SPATA6: variants seen among roughly 807,000 people sequenced by gnomAD.
SPATA6 encodes spermatogenesis-associated protein 6.
SPATA6 carries 56 observed loss-of-function variants against 65.3 expected under a neutral mutation model. The observed-to-expected ratio is 0.86, with a 90% confidence interval of 0.69 to 1.07. The LOEUF is 1.07. Ranked by LOEUF, SPATA6 falls within the 50% of genes least tolerant of loss-of-function variation. The pLI is 0.00. For synonymous variants in SPATA6, 199 were observed against 213.2 expected (o/e 0.93, Z 0.58); for missense variants, 590 against 594.8 (o/e 0.99, Z 0.08).
intron 9 of SPATA6, among the ~76,000 whole-genome samples, chr1:48,384,108 C>T (rs186765763): frequency 4.6e-5 from 7 of 150,648 alleles, no homozygotes; most frequent in Non-Finnish European, 8.8e-5. Context: ...CCGAGGCTGG[C>T]GGATCACTCG....
At chr1:48,448,256 G>T (rs1398103077) in intron 3 of SPATA6, among the ~76,000 whole-genome samples, 1 of 121,216 alleles carries the variant, frequency 8.2e-6, no homozygotes, top group African/African-American at 3.5e-5. Context: ...GGAAGATCCT[G>T]TCTCAAAAAA....
At chr1:48,336,731 T>A (rs1646071265) in intron 11 of SPATA6, among the ~76,000 whole-genome samples, 1 of 151,660 alleles carries the variant, frequency 6.6e-6, no homozygotes, top group Non-Finnish European at 1.5e-5. Flanking sequence ...AACCTCTGAG[T>A]CATGAATTTA....
chr1:48,361,000 C>G (rs1285537463), intron 9 of SPATA6, among the ~76,000 whole-genome samples: 1 of 152,086 alleles, frequency 6.6e-6, no homozygotes, highest in East Asian at 1.9e-4. Flanking sequence ...TATTAGGAGT[C>G]TAGTTTTGGA....
rs114822390 is a variant in SPATA6 at position 48,439,181 on chromosome 1, G to A, written c.238+12371C>T. On this transcript the variant is annotated intron_variant, in intron 3 of 12. Transcript: ENST00000371847. ...GGTTTTTGAGAATGAGTCAGTAAGA[G>A]CCACTAAATCCAATTTTTCTCGGTA... 3.5e-3 allele frequency among the ~76,000 whole-genome samples: 535 copies of A among 152,204 alleles called. 4 individuals are homozygous for A. Among genetic ancestry groups the A allele is most frequent in the African/African-American group, 0.012 (518 of 41,528 alleles).
At chr1:48,357,814 A>G (rs764332033) in intron 10 of SPATA6, among the ~76,000 whole-genome samples, 7 of 152,090 alleles carry the variant, frequency 4.6e-5, no homozygotes, top group Non-Finnish European at 8.8e-5. Flanking sequence ...TAGAAAATAC[A>G]CTCAAATCAA....
At chr1:48,349,330 C>G (rs1314458305) in intron 11 of SPATA6, among the ~76,000 whole-genome samples, 1 of 151,930 alleles carries the variant, frequency 6.6e-6, no homozygotes, top group East Asian at 1.9e-4. Context: ...GACCACTGAA[C>G]TAGAATATAG....
chr1:48,325,612 A>T, intron 11 of SPATA6: 1 of 787,250 alleles, frequency 1.3e-6, no homozygotes, highest in South Asian at 1.4e-5. Context: ...TGTTGTGGGC[A>T]GTGTTGAACT....
rs1021194327 is a variant in SPATA6, at chr1:48,338,291, T to C, written c.1194+17379A>G. On this transcript the variant is annotated intron_variant, in intron 11 of 12. Coordinates refer to ENST00000371847, the MANE Select transcript of SPATA6 (RefSeq NM_019073.4). ...TGACAAGCAATGCTTCTGTTGCCTG[T>C]ACAAGGGTGGAGTGACAAAACGTGA... Among the ~76,000 whole-genome samples the C allele has an allele frequency of 3.3e-5, 5 of 152,026 alleles. No homozygotes were observed. The South Asian group carries it at 1.0e-3, about 32-fold the overall frequency.
intron 1 of SPATA6, among the ~76,000 whole-genome samples, chr1:48,462,100 A>T (rs1033163077): frequency 1.3e-5 from 2 of 152,096 alleles, no homozygotes; most frequent in African/African-American, 2.4e-5. Context: ...AAGGACAAAA[A>T]ACCAAACACC....
At chr1:48,350,640 C>T (rs562657311) in intron 11 of SPATA6, among the ~76,000 whole-genome samples, 55 of 151,970 alleles carry the variant, frequency 3.6e-4, no homozygotes, top group African/African-American at 1.2e-3. Context: ...AAAACAAAGT[C>T]GACATTTAAT....
the SPATA6 span, among the ~76,000 whole-genome samples, chr1:48,283,678 C>CAA: frequency 1.6e-5 from 1 of 60,824 alleles, no homozygotes; most frequent in African/African-American, 6.1e-5. Flanking sequence ...GACTCCGTCT[C>CAA]AAAAAAAAAA....
chr1:48,414,364 C>CT (rs1652562354), intron 3 of SPATA6, among the ~76,000 whole-genome samples: 1 of 152,256 alleles, frequency 6.6e-6, no homozygotes, highest in Middle Eastern at 3.4e-3. Context: ...AGGAGAAATT[C>CT]TTTTTTCTAC....
rs1207776382 is a variant in SPATA6, at chr1:48,335,111, A to C, written c.1194+20559T>G. 2.0e-5 allele frequency among the ~76,000 whole-genome samples: 3 copies of C among 151,932 alleles called. No homozygotes were observed. The East Asian group carries it at 5.8e-4, about 29-fold the overall frequency. On this transcript the variant is annotated intron_variant, in intron 11 of 12. Transcript: ENST00000371847. ...AATATCTCTAGAATGACAATTACAA[A>C]ACTGCTCAAAAAAATCAGAGATGAC... is the stretch of plus-strand genomic sequence containing the variant.
chr1:48,418,417 C>T (rs1652982422), intron 3 of SPATA6, among the ~76,000 whole-genome samples: 2 of 151,550 alleles, frequency 1.3e-5, no homozygotes, highest in African/African-American at 4.9e-5. Flanking sequence ...CATTAGAAAT[C>T]AAATGAATTT....
chr1:48,272,933 T>C, the SPATA6 span, among the ~76,000 whole-genome samples: 3 of 152,192 alleles, frequency 2.0e-5, no homozygotes, highest in Admixed American at 6.5e-5. Context: ...ATTCCTTCTT[T>C]TGAGGTCCTT....
At chr1:48,399,074 C>T (rs1415181519) in intron 7 of SPATA6, 19 of 296,918 alleles carry the variant, frequency 6.4e-5, no homozygotes, top group East Asian at 1.7e-4. Flanking sequence ...CAATTGGTAG[C>T]GTTATTATGC....
At chr1:48,266,718 C>G in the SPATA6 span, among the ~76,000 whole-genome samples, 1 of 152,150 alleles carries the variant, frequency 6.6e-6, no homozygotes, top group East Asian at 1.9e-4. Flanking sequence ...TTGGCAAAAA[C>G]AATTCCCCTC....
intron 9 of SPATA6, among the ~76,000 whole-genome samples, chr1:48,361,214 T>G (rs1646803372): frequency 6.6e-6 from 1 of 152,086 alleles, no homozygotes; most frequent in Admixed American, 6.6e-5. Flanking sequence ...CTGGGAATAC[T>G]CCAATATTTA....
At chr1:48,337,364 A>G (rs1211994355) in intron 11 of SPATA6, among the ~76,000 whole-genome samples, 1 of 151,754 alleles carries the variant, frequency 6.6e-6, no homozygotes, top group African/African-American at 2.4e-5. Context: ...GAAAATAAGG[A>G]ATTTCTGTAA....
Sources: allele counts gnomAD v4.1 joint callset (sites outside exome capture counted in the v4.1 genomes callset), GRCh38; gene constraint gnomAD v4.1.1; transcripts MANE v1.5; gene names NCBI Gene and HGNC (gene_info 2026-07-23, HGNC 2026-07-21).